NPAS3: variants seen among roughly 807,000 people sequenced by gnomAD.
The protein encoded by NPAS3 is neuronal PAS domain protein 3.
NPAS3 carries 14 observed loss-of-function variants against 73.1 expected under a neutral mutation model. That is an observed-to-expected ratio of 0.19 (90% CI 0.13 to 0.30). NPAS3 has a LOEUF of 0.30. Among genes scored for constraint, NPAS3 ranks in the 10% least tolerant of loss-of-function variants. The probability of loss-of-function intolerance (pLI) is 1.00; values close to 1 mark genes in which losing one functional copy is unlikely to be tolerated. For missense variants in NPAS3, 1,096 were observed against 1,250.0 expected (o/e 0.88, Z 1.86); for synonymous variants, 620 against 541.5 (o/e 1.14, Z -2.01).
intron 4 of NPAS3, among the ~76,000 whole-genome samples, chr14:33,511,224 A>C (rs747267791): frequency 1.3e-5 from 2 of 152,110 alleles, no homozygotes; most frequent in African/African-American, 4.8e-5. Context: ...GCAGAAACGC[A>C]TCAGACTCTT....
rs574479097 is a variant in NPAS3 at position 33,338,930 on chromosome 14, C to T, written c.386-28256C>T. On this transcript the variant is annotated intron_variant, in intron 3 of 11. Coordinates refer to ENST00000356141, the Ensembl canonical transcript of NPAS3. ...ATCACATATTCTGAAGCTCATACAT[C>T]TTCTCTTATTTCTGTTAATAATAAC... is the stretch of plus-strand genomic sequence containing the variant. 1.8e-3 allele frequency among the ~76,000 whole-genome samples: 270 copies of T among 152,216 alleles called. 2 individuals carry two copies. Among genetic ancestry groups the T allele is most frequent in the African/African-American group, 6.1e-3 (253 of 41,536 alleles).
chr14:33,713,636 CA>C (rs550229459), intron 6 of NPAS3, among the ~76,000 whole-genome samples: 152 of 152,336 alleles, frequency 1.0e-3, no homozygotes, highest in African/African-American at 2.8e-3. Context: ...GACCTCATCT[CA>C]CTATTGTCAC....
chr14:33,317,226 T>G (rs2043242366), intron 3 of NPAS3, among the ~76,000 whole-genome samples: 2 of 152,082 alleles, frequency 1.3e-5, no homozygotes, highest in South Asian at 4.1e-4. Context: ...CATTAGCTTT[T>G]CCATGGCAGA....
At chr14:33,445,826 T>C (rs766988319) in intron 4 of NPAS3, among the ~76,000 whole-genome samples, 5 of 152,218 alleles carry the variant, frequency 3.3e-5, no homozygotes, top group African/African-American at 4.8e-5. Flanking sequence ...ACCCATTGTT[T>C]AGGAGACAGT....
At chr14:32,967,375 A>G (rs944639013) in intron 1 of NPAS3, among the ~76,000 whole-genome samples, 10 of 152,216 alleles carry the variant, frequency 6.6e-5, no homozygotes, top group Non-Finnish European at 1.0e-4. Context: ...AACTTGGGCT[A>G]TTAGTAGTTA....
At chr14:33,784,911 C>T (rs934171923) in intron 9 of NPAS3, among the ~76,000 whole-genome samples, 54 of 150,076 alleles carry the variant, frequency 3.6e-4, no homozygotes, top group Admixed American at 2.5e-3. Context: ...CCACCACGCC[C>T]GGCTAATTTT....
intron 3 of NPAS3, among the ~76,000 whole-genome samples, chr14:33,222,238 G>A (rs925012554): frequency 1.3e-5 from 2 of 152,124 alleles, no homozygotes; most frequent in African/African-American, 4.8e-5. Flanking sequence ...TAGATTTTAT[G>A]GCTTGCTTTG....
intron 1 of NPAS3, among the ~76,000 whole-genome samples, chr14:32,995,095 T>C (rs2038511081): frequency 6.6e-6 from 1 of 152,212 alleles, no homozygotes; most frequent in African/African-American, 2.4e-5. Context: ...AAACTGAAGC[T>C]GGGCAGCTCA....
chr14:33,363,159 C>T (rs1300645992), intron 3 of NPAS3, among the ~76,000 whole-genome samples: 3 of 152,170 alleles, frequency 2.0e-5, no homozygotes, highest in South Asian at 2.1e-4. Flanking sequence ...TCCCACTGAG[C>T]GTTAATCCTC....
chr14:33,461,375 A>G (rs2050257456), intron 4 of NPAS3, among the ~76,000 whole-genome samples: 1 of 152,344 alleles, frequency 6.6e-6, no homozygotes, highest in Non-Finnish European at 1.5e-5. Context: ...TGCCTATTTC[A>G]ATAAGATAGT....
At position 33,672,558 on chromosome 14, in the gene NPAS3, A is replaced by C. The variant is rs540481455; in HGVS notation, c.559-3653A>C. Among the ~76,000 whole-genome samples, 3 of 152,282 alleles carry C rather than the reference A, an allele frequency of 2.0e-5. No homozygotes were observed. In the East Asian group the frequency reaches 5.8e-4, roughly 29 times the overall value. ...GATTGGAGCTCTATTTATTTTTCCAACCTGAAGCTAACATGAAGTAATGTC... is the reference window on the plus strand; with the variant it reads ...GATTGGAGCTCTATTTATTTTTCCACCCTGAAGCTAACATGAAGTAATGTC... On this transcript the variant is annotated intron_variant, in intron 5 of 11. Coordinates refer to ENST00000356141, the Ensembl canonical transcript of NPAS3.
At chr14:33,445,932 C>CTTT (rs386381059) in intron 4 of NPAS3, among the ~76,000 whole-genome samples, 4,539 of 134,292 alleles carry the variant, frequency 0.034, 98 homozygotes, top group Middle Eastern at 0.079. Flanking sequence ...GAGTGTTGCA[C>CTTT]TTTTTTTTTT....
At chr14:33,391,941 A>G (rs2047026858) in intron 4 of NPAS3, among the ~76,000 whole-genome samples, 1 of 152,238 alleles carries the variant, frequency 6.6e-6, no homozygotes, top group Admixed American at 6.5e-5. Flanking sequence ...GTATTGATGA[A>G]GATAATCCCC....
intron 2 of NPAS3, among the ~76,000 whole-genome samples, chr14:33,164,318 G>A (rs1355438167): frequency 6.6e-6 from 1 of 152,106 alleles, no homozygotes; most frequent in Admixed American, 6.6e-5. Flanking sequence ...TTGTGAAGAA[G>A]CTTCACTTAT....
At chr14:33,798,967 CCT>C (rs2063594662) in intron 11 of NPAS3, among the ~76,000 whole-genome samples, 2 of 119,788 alleles carry the variant, frequency 1.7e-5, no homozygotes, top group Admixed American at 1.9e-4. Flanking sequence ...GTGGCAAGAC[CCT>C]GTCTCTACAA....
rs991127533 is a variant in NPAS3 at position 33,519,541 on chromosome 14, G to T, written c.469-40580G>T. On this transcript the variant is annotated intron_variant, in intron 4 of 11. Coordinates refer to ENST00000356141, the Ensembl canonical transcript of NPAS3. ...CCATCTGGGTGCCAAATCAGGGTTT[G>T]CTGCGTATTATTTGTGTAACGTGGG... 3.9e-5 allele frequency among the ~76,000 whole-genome samples: 6 copies of T among 152,152 alleles called. No individual in the cohort carries two copies. In the East Asian group the frequency reaches 1.2e-3, roughly 29 times the overall value.
At chr14:33,432,136 T>C (rs1566897637) in intron 4 of NPAS3, among the ~76,000 whole-genome samples, 1 of 152,112 alleles carries the variant, frequency 6.6e-6, no homozygotes, top group Non-Finnish European at 1.5e-5. Flanking sequence ...TCCACAGAGC[T>C]CTCACCACCC....
At chr14:32,965,183 T>G (rs938781920) in intron 1 of NPAS3, among the ~76,000 whole-genome samples, 1 of 152,070 alleles carries the variant, frequency 6.6e-6, no homozygotes, top group Non-Finnish European at 1.5e-5. Flanking sequence ...TCAAAAAAAT[T>G]GAAGTAGAGG....
At chr14:33,499,169 A>C (rs1009496674) in intron 4 of NPAS3, among the ~76,000 whole-genome samples, 1 of 151,920 alleles carries the variant, frequency 6.6e-6, no homozygotes, top group Non-Finnish European at 1.5e-5. Context: ...TAATTTTTCC[A>C]AAAAATATTA....
Sources: gnomAD v4.1 joint callset for allele counts (sites outside exome capture counted in the v4.1 genomes callset) on GRCh38, gnomAD v4.1.1 for gene constraint, MANE v1.5 for transcripts, NCBI Gene and HGNC (gene_info 2026-07-23, HGNC 2026-07-21) for gene names.